The following INTS3 variants were observed in gnomAD, a reference collection of about 807,000 sequenced individuals.
INTS3 encodes the protein integrator complex subunit 3, also known as SOSS complex subunit A.
INTS3 carries 34 observed loss-of-function variants against 146.3 expected under a neutral mutation model. The ratio of observed to expected loss-of-function variants is 0.23; its 90% CI spans 0.18 to 0.31. INTS3 has a LOEUF of 0.31. INTS3 is among the 10% of genes least tolerant of loss of function. The pLI, the probability that INTS3 is intolerant of heterozygous loss-of-function variation, is 1.00. For missense variants in INTS3, 757 were observed against 1,304.2 expected (o/e 0.58, Z 6.46); for synonymous variants, 475 against 494.9 (o/e 0.96, Z 0.53).
At chr1:153,739,060 AT>A (rs1179514594) in intron 1 of INTS3, among the ~76,000 whole-genome samples, 1 of 149,892 alleles carries the variant, frequency 6.7e-6, no homozygotes, top group Admixed American at 6.6e-5. Context: ...CGCCTGGCTA[AT>A]TTTTTTTTCT....
At chr1:153,753,402 C>T (rs150153735) in intron 8 of INTS3, among the ~76,000 whole-genome samples, 1,569 of 151,680 alleles carry the variant, frequency 0.01, 16 homozygotes, top group African/African-American at 0.035. Context: ...ACTAAAAATG[C>T]AAAAATTAGC....
At chr1:153,750,910 C>T in intron 6 of INTS3, 185 bp from the exon 7 acceptor site, 1 of 487,892 alleles carries the variant, frequency 2.0e-6, no homozygotes, top group South Asian at 4.5e-5. Flanking sequence ...TTGTCCGTAG[C>T]TTAGCCAGTT....
intron 10 of INTS3, among the ~76,000 whole-genome samples, chr1:153,758,996 G>A (rs947978609): frequency 1.3e-5 from 2 of 151,858 alleles, no homozygotes; most frequent in Admixed American, 1.3e-4. Context: ...TGCTCCTGTA[G>A]TCCCAGCTAC....
chr1:153,770,699 C>G lies in INTS3; in HGVS notation c.2518C>G (p.Leu840Val). 1 of 1,614,004 alleles carries G rather than the reference C, an allele frequency of 6.2e-7. No homozygotes were observed. The highest frequency in any genetic ancestry group is 8.5e-7 in the Non-Finnish European group (1 of 1,179,848). ...HLKYKEHPEA[L>V]SCLLLQLRRE... is the part of the protein sequence containing the mutation. ...TTCCCTCACAGAGCACCCAGAGGCC[C>G]TGTCCTGCCTACTGCTTCAACTCCG... Residue 840 changes from leucine (L) to valine (V), a missense_variant, in exon 25 of 30, where the codon CTG becomes GTG. By Grantham distance (32) the Leu-to-Val change is conservative. This residue lies in a region of INTS3 where 116 missense variants were observed against 226.5 expected (regional missense o/e 0.51). Coordinates refer to ENST00000318967, the MANE Select transcript of INTS3 (RefSeq NM_023015.5).
At chr1:153,747,418 T>C (rs375017718) in intron 5 of INTS3, 55 bp downstream of exon 5, 69 of 1,311,252 alleles carry the variant, frequency 5.3e-5, no homozygotes, top group Non-Finnish European at 6.7e-5. Flanking sequence ...AGAGACTACA[T>C]AGAGACAATG....
intron 7 of INTS3, among the ~76,000 whole-genome samples, 178 bp downstream of exon 7, chr1:153,751,417 G>A (rs1671953319): frequency 6.6e-6 from 1 of 152,122 alleles, no homozygotes; most frequent in Non-Finnish European, 1.5e-5. Context: ...GTGTAAAATA[G>A]CCCTAATTCC....
chr1:153,769,660 C>T, intron 22 of INTS3, 109 bp from the exon 23 acceptor site: 1 of 693,930 alleles, frequency 1.4e-6, no homozygotes, highest in Non-Finnish European at 2.6e-6. Context: ...GCCTTCACTT[C>T]CTCTAATTTT....
chr1:153,743,956 T>C (rs903770072), intron 3 of INTS3, among the ~76,000 whole-genome samples: 6 of 151,952 alleles, frequency 3.9e-5, no homozygotes, highest in Admixed American at 3.9e-4. Context: ...ACATTCAGGA[T>C]AGATGCCATC....
intron 8 of INTS3, among the ~76,000 whole-genome samples, chr1:153,754,140 T>C (rs1272302894): frequency 6.6e-6 from 1 of 152,026 alleles, no homozygotes; most frequent in Non-Finnish European, 1.5e-5. Context: ...GCAGGTAATG[T>C]GGGGACATGG....
chr1:153,771,809 ATGG>A lies in INTS3; in HGVS notation c.2569_2571del (p.Val857del). The A allele has an allele frequency of 6.2e-7, 1 of 1,611,886 alleles. No homozygotes were observed. The highest frequency in any genetic ancestry group is 8.5e-7 in the Non-Finnish European group (1 of 1,178,544). On this transcript the variant is annotated inframe_deletion, in exon 26 of 30. Coordinates refer to ENST00000318967, the MANE Select transcript of INTS3 (RefSeq NM_023015.5). ...TTCCTCCCCCAGGCCCAGCGAGGAG[ATGG>A]TGAAGATGGTGCTGAGCCGGCCCTG...
intron 23 of INTS3, 54 bp from the exon 24 acceptor site, chr1:153,770,134 GGTGTGTGTGT>G: frequency 2.4e-6 from 1 of 411,394 alleles, no homozygotes; most frequent in Non-Finnish European, 4.2e-6. Flanking sequence ...GGGTGGGGGG[GGTGTGTGTGT>G]GTGTGTGTTC....
intron 3 of INTS3, among the ~76,000 whole-genome samples, chr1:153,742,171 A>G (rs1194346276): frequency 6.6e-6 from 1 of 152,212 alleles, no homozygotes; most frequent in Admixed American, 6.5e-5. Flanking sequence ...TGTACTTCTG[A>G]TGCCAGCTGG....
intron 1 of INTS3, 43 bp downstream of exon 1, chr1:153,728,827 GGAGGGATACTGGAGCGGATACC>G: frequency 7.7e-7 from 1 of 1,292,032 alleles, no homozygotes; most frequent in Non-Finnish European, 1.1e-6. Flanking sequence ...ATTGGGTTTT[GGAGGGATACTGGAGCGGATACC>G]GGGTGGGAGG....
rs190195753 is a variant in INTS3, at chr1:153,753,329, C to A, written c.859+921C>A. 1.5e-3 allele frequency among the ~76,000 whole-genome samples: 224 copies of A among 151,960 alleles called. 2 individuals carry two copies. The highest frequency in any genetic ancestry group is 5.2e-3 in the African/African-American group (216 of 41,458). The stretch of plus-strand genomic sequence containing the variant: ...ATCCCAGCACTTTGGGAGGCCGAGG[C>A]GGGCGGATCACGGGGTCAAGAGTTC... On this transcript the variant is annotated intron_variant, in intron 8 of 29. Transcript: ENST00000318967.
At chr1:153,759,482 T>C in intron 10 of INTS3, 44 bp from the exon 11 acceptor site, 1 of 1,249,894 alleles carries the variant, frequency 8.0e-7, no homozygotes, top group Non-Finnish European at 1.2e-6. Context: ...TGGAGGGGGG[T>C]GATTGATGAA....
At chr1:153,731,909 T>A (rs1396437697) in intron 1 of INTS3, among the ~76,000 whole-genome samples, 3 of 124,604 alleles carry the variant, frequency 2.4e-5, no homozygotes, top group African/African-American at 9.5e-5. Context: ...AACTTTTTTT[T>A]TTTTTTTTTT....
chr1:153,749,232 T>A (rs556060478), intron 6 of INTS3, among the ~76,000 whole-genome samples: 125 of 152,156 alleles, frequency 8.2e-4, no homozygotes, highest in African/African-American at 2.9e-3. Context: ...GCATATAGGG[T>A]TTGGAGGTTC....
intron 23 of INTS3, 94 bp from the exon 24 acceptor site, chr1:153,770,101 GTGC>G: frequency 4.3e-6 from 2 of 460,410 alleles, no homozygotes; most frequent in Non-Finnish European, 7.9e-6. Flanking sequence ...GTGTGTGTGT[GTGC>G]TGGTAGTCAG....
intron 3 of INTS3, among the ~76,000 whole-genome samples, chr1:153,742,897 G>T (rs899523395): frequency 6.6e-6 from 1 of 152,226 alleles, no homozygotes; most frequent in Non-Finnish European, 1.5e-5. Context: ...ACCTTTGCTA[G>T]CATTCATGTT....
Sources: gnomAD v4.1 joint callset for allele counts (sites outside exome capture counted in the v4.1 genomes callset) on GRCh38, gnomAD v4.1.1 for gene constraint, gnomAD v4.1.1 regional missense constraint, MANE v1.5 for transcripts, NCBI Gene and HGNC (gene_info 2026-07-23, HGNC 2026-07-21) for gene names.